The following TENM1 variants were observed in gnomAD, a reference collection of about 807,000 sequenced individuals.
The protein encoded by TENM1 is teneurin transmembrane protein 1.
In TENM1, 35 loss-of-function variants were observed where a neutral mutation model predicts 174.8. The observed-to-expected ratio is 0.20, with a 90% CI of 0.15 to 0.27. The LOEUF (loss-of-function observed/expected upper bound fraction) is 0.27. Ranked by LOEUF, TENM1 falls within the 10% of genes least tolerant of loss-of-function variation. The probability of loss-of-function intolerance (pLI) is 1.00; values close to 1 mark genes in which losing one functional copy is unlikely to be tolerated. For missense variants in TENM1, 1,633 were observed against 2,130.1 expected, an observed-to-expected ratio of 0.77 and a Z score of 4.59; for synonymous variants, 781 against 798.7, an observed-to-expected ratio of 0.98 and a Z score of 0.37.
At chrX:125,016,221 G>C in the TENM1 span, among the ~76,000 whole-genome samples, 1 of 111,149 alleles carries the variant, frequency 9.0e-6, no homozygotes, top group African/African-American at 3.3e-5. Context: ...AGGGCAACCA[G>C]GCAAGAGAAA....
exon 15 of TENM1, chrX:124,546,940 C>T: frequency 8.3e-7 from 1 of 1,211,101 alleles, no homozygotes; most frequent in Non-Finnish European, 1.1e-6. Context: ...GAATTTGATT[C>T]GATCATAAAA....
intron 3 of TENM1, among the ~76,000 whole-genome samples, chrX:124,779,349 C>T (rs1008868992): frequency 2.7e-5 from 3 of 111,654 alleles, no homozygotes; most frequent in African/African-American, 6.5e-5. Flanking sequence ...TTATAAGTCC[C>T]GATTGCAGTG....
intron 5 of TENM1, among the ~76,000 whole-genome samples, chrX:124,692,714 T>C (rs2052554091): frequency 9.1e-6 from 1 of 109,449 alleles, no homozygotes; most frequent in Non-Finnish European, 1.9e-5. Context: ...CTTGAGTTAT[T>C]TGAAAATTCT....
At chrX:124,994,558 C>T in the TENM1 span, among the ~76,000 whole-genome samples, 3 of 110,575 alleles carry the variant, frequency 2.7e-5, no homozygotes, top group African/African-American at 9.9e-5. Flanking sequence ...ACAAAACAAT[C>T]GCAGTTCTAT....
At chrX:124,866,913 C>T (rs2057019057) in intron 3 of TENM1, among the ~76,000 whole-genome samples, 1 of 111,013 alleles carries the variant, frequency 9.0e-6, no homozygotes, top group Non-Finnish European at 1.9e-5. Context: ...GGACAAATTC[C>T]TAGATACATA....
the TENM1 span, among the ~76,000 whole-genome samples, chrX:125,010,638 C>T: frequency 9.2e-6 from 1 of 108,418 alleles, no homozygotes; most frequent in Non-Finnish European, 1.9e-5. Flanking sequence ...CACGATGAAA[C>T]ACTGTCTCTA....
At chrX:125,128,336 G>A in the TENM1 span, among the ~76,000 whole-genome samples, 1 of 111,743 alleles carries the variant, frequency 8.9e-6, no homozygotes, top group East Asian at 2.8e-4. Flanking sequence ...GTGTGACACT[G>A]AGCAAATACC....
intron 3 of TENM1, among the ~76,000 whole-genome samples, chrX:124,866,808 A>C (rs978145087): frequency 9.8e-5 from 11 of 111,744 alleles, no homozygotes; most frequent in Admixed American, 8.5e-4. Context: ...GAAATGAAAA[A>C]GGACACGTTA....
At chrX:125,133,154 T>C in the TENM1 span, among the ~76,000 whole-genome samples, 2,744 of 110,350 alleles carry the variant, frequency 0.025, 79 homozygotes, top group African/African-American at 0.086. Context: ...CCACCACGCC[T>C]GGCTAATTTT....
At chrX:125,064,984 C>G in the TENM1 span, among the ~76,000 whole-genome samples, 1 of 111,789 alleles carries the variant, frequency 8.9e-6, no homozygotes, top group African/African-American at 3.3e-5. Flanking sequence ...ACTGTTAGTC[C>G]CAGATCAGCT....
intron 3 of TENM1, among the ~76,000 whole-genome samples, chrX:124,855,543 T>G (rs928934041): frequency 1.8e-3 from 198 of 111,445 alleles, no homozygotes; most frequent in Non-Finnish European, 3.0e-3. Context: ...ATAAATAAAA[T>G]AGAGATGTGT....
chrX:125,113,174 T>C, the TENM1 span, among the ~76,000 whole-genome samples: 1 of 111,665 alleles, frequency 9.0e-6, no homozygotes, highest in East Asian at 2.8e-4. Context: ...CTAACATAAC[T>C]GAATAACCAT....
chrX:125,142,878 G>A, the TENM1 span, among the ~76,000 whole-genome samples: 6 of 111,774 alleles, frequency 5.4e-5, no homozygotes, highest in Admixed American at 4.8e-4. Flanking sequence ...TTGGAAATAA[G>A]ATGTAGGCCC....
intron 11 of TENM1, among the ~76,000 whole-genome samples, chrX:124,612,384 G>C (rs1009835892): frequency 2.0e-4 from 22 of 111,073 alleles, no homozygotes; most frequent in African/African-American, 7.2e-4. Context: ...TTTATGAAAG[G>C]AGTAGCCTGT....
the TENM1 span, among the ~76,000 whole-genome samples, chrX:125,135,088 G>C: frequency 9.0e-6 from 1 of 111,665 alleles, no homozygotes; most frequent in Non-Finnish European, 1.9e-5. Flanking sequence ...ATTCATTTCA[G>C]ATAGTACAAT....
intron 1 of TENM1, among the ~76,000 whole-genome samples, chrX:124,935,218 T>G (rs956053270): frequency 5.6e-5 from 6 of 107,440 alleles, no homozygotes; most frequent in African/African-American, 2.0e-4. Flanking sequence ...CTAACAGCTC[T>G]TTCATTTCGA....
At chrX:124,387,490 A>C (rs2147600610) in intron 28 of TENM1, among the ~76,000 whole-genome samples, 1 of 112,169 alleles carries the variant, frequency 8.9e-6, no homozygotes, top group Non-Finnish European at 1.9e-5. Flanking sequence ...AAAGAGATTT[A>C]GTTGAGGGTT....
At chrX:124,667,589 CA>C (rs200614775) in intron 6 of TENM1, among the ~76,000 whole-genome samples, 1,093 of 52,512 alleles carry the variant, frequency 0.021, 7 homozygotes, top group Middle Eastern at 0.037. Context: ...GACTCCATCT[CA>C]AAAAAAAAAA....
chrX:125,176,522 A>G, the TENM1 span, among the ~76,000 whole-genome samples: 1 of 111,703 alleles, frequency 9.0e-6, no homozygotes, highest in Non-Finnish European at 1.9e-5. Flanking sequence ...AGATTTTCTC[A>G]GACTTTATGG....
Sources: allele counts gnomAD v4.1 joint callset (sites outside exome capture counted in the v4.1 genomes callset), GRCh38; gene constraint gnomAD v4.1.1; transcripts MANE v1.5; gene names NCBI Gene and HGNC (gene_info 2026-07-23, HGNC 2026-07-21).